The following PLEKHG1 variants were observed in gnomAD, a reference collection of about 807,000 sequenced individuals.
PLEKHG1 encodes the protein pleckstrin homology domain-containing family G member 1.
Under a neutral mutation model 100.8 loss-of-function variants are expected in PLEKHG1, and 44 were observed. The ratio of observed to expected loss-of-function variants is 0.44; its 90% CI spans 0.34 to 0.56. The LOEUF is 0.56. PLEKHG1 is among the 20% of genes least tolerant of loss of function. The probability of loss-of-function intolerance (pLI) is 0.01; values close to 1 mark genes in which losing one functional copy is unlikely to be tolerated. For synonymous variants in PLEKHG1, 640 were observed against 662.5 expected (o/e 0.97, Z 0.52); for missense variants, 1,545 against 1,720.9 (o/e 0.90, Z 1.81).
At chr6:150,733,789 A>G in exon 2 of PLEKHG1, 1 of 1,614,200 alleles carries the variant, frequency 6.2e-7, no homozygotes, top group Non-Finnish European at 8.5e-7. Flanking sequence ...CCTTAGTTTC[A>G]AATAGCCACA....
At chr6:150,815,983 C>A (rs1229609762) in intron 10 of PLEKHG1, among the ~76,000 whole-genome samples, 1 of 152,090 alleles carries the variant, frequency 6.6e-6, no homozygotes, top group Admixed American at 6.6e-5. Context: ...AAGCACATTA[C>A]GTTTATTGTG....
intron 3 of PLEKHG1, among the ~76,000 whole-genome samples, chr6:150,703,903 C>T (rs955283496): frequency 1.3e-5 from 2 of 152,154 alleles, no homozygotes; most frequent in Non-Finnish European, 2.9e-5. Context: ...CATAGTTGAA[C>T]GTACTTGGTG....
chr6:150,703,113 G>C (rs1348132020), intron 3 of PLEKHG1, among the ~76,000 whole-genome samples: 1 of 152,118 alleles, frequency 6.6e-6, no homozygotes, highest in African/African-American at 2.4e-5. Context: ...AAGCTGTCAG[G>C]GAGGCAGGGG....
chr6:150,600,210 A>G lies in PLEKHG1; in HGVS notation c.-204+193A>G, dbSNP rs139317884. ...TTGGGGGGCGCCGAGCGGTGGGGAC[A>G]GAGGGCGCCGGGGGCACCGCGCGGT... On this transcript the variant is annotated intron_variant, in intron 1 of 3. Transcript: ENST00000367326. The surrounding 1 kb of genome is among the most constrained non-coding windows in gnomAD (Gnocchi z 6.2). Among the ~76,000 whole-genome samples, 25,825 of 149,304 alleles carry G rather than the reference A, an allele frequency of 0.17. 2,283 individuals are homozygous for G. The highest frequency in any genetic ancestry group is 0.23 in the East Asian group (1,149 of 4,978).
exon 16 of PLEKHG1, chr6:150,843,614 A>G (rs928150862): frequency 1.3e-5 from 2 of 152,230 alleles, no homozygotes; most frequent in African/African-American, 4.8e-5. Context: ...ATATAAGATA[A>G]TGAAAGTTAG....
chr6:150,638,014 G>C (rs1005617192), intron 1 of PLEKHG1: 8 of 152,096 alleles, frequency 5.3e-5, no homozygotes, highest in Admixed American at 5.2e-4. Context: ...TAGTCCATTA[G>C]ATTTATATTT....
intron 2 of PLEKHG1, chr6:150,638,273 T>C (rs1015278245): frequency 2.0e-5 from 3 of 152,380 alleles, no homozygotes; most frequent in Admixed American, 6.5e-5. Flanking sequence ...AGGTGTCTTA[T>C]GGCTCCCTGG....
chr6:150,708,132 T>A (rs1336137846), intron 3 of PLEKHG1, among the ~76,000 whole-genome samples: 1 of 152,176 alleles, frequency 6.6e-6, no homozygotes, highest in African/African-American at 2.4e-5. Flanking sequence ...GACAGAAGGA[T>A]CTCACAGCCA....
intron 3 of PLEKHG1, among the ~76,000 whole-genome samples, chr6:150,700,241 G>A (rs1780714613): frequency 6.6e-6 from 1 of 152,178 alleles, no homozygotes; most frequent in African/African-American, 2.4e-5. Context: ...CATTGATCTG[G>A]AAGATGCACA....
chr6:150,612,432 C>T (rs902343820), intron 1 of PLEKHG1, among the ~76,000 whole-genome samples: 10 of 151,992 alleles, frequency 6.6e-5, no homozygotes, highest in Non-Finnish European at 8.8e-5. Flanking sequence ...TCCCGGATTC[C>T]GGCAATTCTC....
intron 3 of PLEKHG1, among the ~76,000 whole-genome samples, chr6:150,775,443 T>G (rs971950545): frequency 1.3e-5 from 2 of 152,226 alleles, no homozygotes; most frequent in Non-Finnish European, 2.9e-5. Flanking sequence ...AGAGTAAAAC[T>G]TTCCTTTTTC....
At chr6:150,668,664 A>C (rs1330049555) in intron 3 of PLEKHG1, among the ~76,000 whole-genome samples, 1 of 152,202 alleles carries the variant, frequency 6.6e-6, no homozygotes, top group Non-Finnish European at 1.5e-5. Flanking sequence ...CTGAAACTCT[A>C]GCACAAAGGA....
intron 3 of PLEKHG1, among the ~76,000 whole-genome samples, chr6:150,699,595 G>A (rs1780685412): frequency 6.6e-6 from 1 of 152,190 alleles, no homozygotes; most frequent in Admixed American, 6.5e-5. Context: ...GTGACATTGA[G>A]AACAAGCGAT....
chr6:150,689,837 A>G (rs1780276340), intron 3 of PLEKHG1, among the ~76,000 whole-genome samples: 2 of 151,204 alleles, frequency 1.3e-5, no homozygotes, highest in Non-Finnish European at 2.9e-5. Flanking sequence ...CCTGGGCAAC[A>G]AGAGCGAAAC....
chr6:150,788,650 A>C (rs1213378658), intron 4 of PLEKHG1, among the ~76,000 whole-genome samples: 2 of 152,252 alleles, frequency 1.3e-5, no homozygotes, highest in Non-Finnish European at 2.9e-5. Context: ...GGAAACACCT[A>C]GAATGGCTCA....
chr6:150,757,158 G>A (rs934140024), intron 2 of PLEKHG1, among the ~76,000 whole-genome samples: 3 of 151,954 alleles, frequency 2.0e-5, no homozygotes, highest in African/African-American at 7.2e-5. Flanking sequence ...CTACCACGCC[G>A]AGCAATTTTG....
At chr6:150,641,876 C>CAAAAAAA (rs71554473) in intron 2 of PLEKHG1, among the ~76,000 whole-genome samples, 1,549 of 76,652 alleles carry the variant, frequency 0.02, 1 homozygote, top group Middle Eastern at 0.042. Context: ...TGTGAAAAGG[C>CAAAAAAA]AAAAAAAAAA....
In PLEKHG1 at chr6:150,733,970, G is replaced by A. The variant is rs374082085; in HGVS notation, c.289G>A (p.Gly97Arg). Residue 97 changes from glycine to arginine, a missense_variant, in exon 2 of 16, where the codon GGG becomes AGG. By Grantham distance (125) the Gly-to-Arg change is moderately radical. Transcript: ENST00000358517. ...AGCGCAGTGGAGAGTGGACTCAAAC[G>A]GGGCACCCAAGACGATCGCAGACTC... The A allele has an allele frequency of 9.4e-5, 152 of 1,614,140 alleles. 1 individual carries two copies. In the East Asian group the frequency reaches 2.2e-3, roughly 23 times the overall value.
At position 150,781,365 on chromosome 6, in the gene PLEKHG1, C is replaced by T. The variant is rs1054630061; in HGVS notation, c.513-5025C>T. ...ACTAAAAATACAAAAATTAGCCAGACGTGGTGGCACATGCCTGTAATCCCA... is the reference window on the plus strand; with the variant it reads ...ACTAAAAATACAAAAATTAGCCAGATGTGGTGGCACATGCCTGTAATCCCA... On this transcript the variant is annotated intron_variant, in intron 3 of 15. Coordinates refer to ENST00000358517, the Ensembl canonical transcript of PLEKHG1. 5.3e-5 allele frequency among the ~76,000 whole-genome samples: 8 copies of T among 151,484 alleles called. No individual in the cohort carries two copies. The East Asian group carries it at 1.6e-3, about 31-fold the overall frequency.
Sources: allele counts gnomAD v4.1 joint callset (sites outside exome capture counted in the v4.1 genomes callset), GRCh38; gene constraint gnomAD v4.1.1; non-coding constraint Gnocchi (gnomAD v3.1); transcripts MANE v1.5; gene names NCBI Gene and HGNC (gene_info 2026-07-23, HGNC 2026-07-21).